WDR87: variants seen among roughly 807,000 people sequenced by gnomAD.
WDR87 encodes WD repeat-containing protein 87.
WDR87 carries 56 observed loss-of-function variants against 83.3 expected under a neutral mutation model. The ratio of observed to expected loss-of-function variants is 0.67; its 90% CI spans 0.54 to 0.84. The LOEUF (loss-of-function observed/expected upper bound fraction) is 0.84. WDR87 is among the 40% of genes least tolerant of loss of function. The pLI is 0.00. For synonymous variants in WDR87, 1,173 were observed against 1,250.6 expected (o/e 0.94, Z 1.31); for missense variants, 2,939 against 3,431.9 (o/e 0.86, Z 3.59).
In WDR87 at chr19:37,885,394, C is replaced by T. The variant is rs367616075; in HGVS notation, c.8277G>A (p.Lys2759=). The T allele has an allele frequency of 4.6e-5, 72 of 1,551,656 alleles. 1 individual carries two copies. The South Asian group carries it at 5.0e-4, about 11-fold the overall frequency. Residue 2759 remains lysine (K), a synonymous_variant, in exon 6 of 6, where the codon AAG becomes AAA. Transcript: ENST00000447313. ...ATGTCTCCCACAAAGGCAACTCTTC[C>T]TTTTTTTTAGAAATGGGCTGTGTCT... The part of the protein sequence containing the change: ...EKKTQPISKK[K]EELPLWETFV...
chr19:37,902,242 TCTCA>T (rs1369622969), intron 1 of WDR87, among the ~76,000 whole-genome samples: 1 of 151,908 alleles, frequency 6.6e-6, no homozygotes, highest in Non-Finnish European at 1.5e-5. Flanking sequence ...TGAGACAGAG[TCTCA>T]CTCTGTCACC....
intron 1 of WDR87, among the ~76,000 whole-genome samples, chr19:37,905,999 G>C (rs1442182481): frequency 6.6e-6 from 1 of 152,102 alleles, no homozygotes; most frequent in Non-Finnish European, 1.5e-5. Context: ...TTTGTTGAAT[G>C]AGTGGAAAAA....
intron 1 of WDR87, among the ~76,000 whole-genome samples, chr19:37,899,799 A>G (rs1359426982): frequency 1.3e-5 from 2 of 152,158 alleles, no homozygotes; most frequent in Non-Finnish European, 2.9e-5. Context: ...GGGGTGGGGT[A>G]GGGATGAGGG....
Position 37,894,834 on chromosome 19 carries a change from C to G in WDR87, c.869G>C (p.Arg290Pro), listed in dbSNP as rs201336732. 2.6e-6 allele frequency: 4 copies of G among 1,551,578 alleles called. No individual in the cohort carries two copies. Among genetic ancestry groups the G allele is most frequent in the Non-Finnish European group, 2.6e-6 (3 of 1,147,006 alleles). ...CAGGGTGTGGGCCTCTGGTCGGCTG[C>G]GGATACAGATCACTCCTGATTGATG... ...QAHQSGVICI[R>P]SRPEAHTLLT... The change falls in exon 4 of 6, where the codon CGC (arginine) becomes CCC (proline). Residue 290 changes from arginine (R) to proline (P), a missense_variant. Physicochemically the swap from Arg to Pro is moderately radical, Grantham distance 103. Coordinates refer to ENST00000447313, the MANE Select transcript of WDR87 (RefSeq NM_001291088.2).
chr19:37,900,943 T>C (rs2046289649), intron 1 of WDR87, among the ~76,000 whole-genome samples: 1 of 116,508 alleles, frequency 8.6e-6, no homozygotes, highest in Admixed American at 1.3e-4. Context: ...CTGGGCAACA[T>C]AGTGGGACCC....
At position 37,886,469 on chromosome 19, in the gene WDR87, C is replaced by T. The variant is rs1273264827; in HGVS notation, c.7202G>A (p.Gly2401Glu). 6.6e-7 allele frequency: 1 copy of T among 1,522,580 alleles called. No individual in the cohort carries two copies. Among genetic ancestry groups the T allele is most frequent in the Non-Finnish European group, 8.8e-7 (1 of 1,139,528 alleles). The allele number at this position is 1,522,580 out of a possible 1,614,324, so 94.3% of individuals were successfully genotyped here. ...LQEQRRKSLR[G>E]RERVLSILRG... is the part of the protein sequence containing the mutation. ...TAAAATGGAAAGGACTCTTTCCCTT[C>T]CTCTTAGGCTCTTTCTTCTTTGTTC... The change falls in exon 6 of 6, where the codon GGA (glycine) becomes GAA (glutamate). Residue 2401 changes from glycine to glutamate, a missense_variant. Gly to Glu is a moderately conservative substitution (Grantham distance 98). Around this residue, in one of 3 missense-constraint regions of WDR87, gnomAD observed 2,160 missense variants for 2,533.1 expected, o/e 0.85. Transcript: ENST00000447313.
At chr19:37,905,581 GAGAC>G (rs1480818182) in intron 1 of WDR87, among the ~76,000 whole-genome samples, 1 of 147,146 alleles carries the variant, frequency 6.8e-6, no homozygotes, top group Non-Finnish European at 1.5e-5. Flanking sequence ...TTTTTTTAAA[GAGAC>G]AGGGTTCTGC....
rs1348023029 is a variant in WDR87, at chr19:37,893,210, G to A, written c.2493C>T (p.Ala831=). Reference sequence around the variant, plus strand: ...TTGGGGTGCCCTCTGGCCAAAGACGGGCACGAATCACTGAATTGGGGATAT... The same window carrying A: ...TTGGGGTGCCCTCTGGCCAAAGACGAGCACGAATCACTGAATTGGGGATAT... ...DCYIPNSVIR[A]RLWPEGTPIY... Residue 831 remains alanine, a synonymous_variant, in exon 4 of 6, where the codon GCC becomes GCT. Transcript: ENST00000447313. The A allele has an allele frequency of 6.4e-7, 1 of 1,551,772 alleles. No individual in the cohort carries two copies. The highest frequency in any genetic ancestry group is 8.7e-7 in the Non-Finnish European group (1 of 1,147,052).
Position 37,887,097 on chromosome 19 carries a change from T to G in WDR87, c.6574A>C (p.Met2192Leu), listed in dbSNP as rs959678908. The change falls in exon 6 of 6, where the codon ATG becomes CTG. Residue 2192 changes from methionine to leucine, a missense_variant. Physicochemically the swap from Met to Leu is conservative, Grantham distance 15. Transcript: ENST00000447313. ...QRKLANKMRR[M>L]INKEEKMTEE... ...GTCATTTTTTCTTCTTTGTTTATCA[T>G]TCTTCTCATTTTGTTGGCCAGTTTT... The G allele has an allele frequency of 7.7e-6, 12 of 1,550,152 alleles. No individual in the cohort carries two copies. Among genetic ancestry groups the G allele is most frequent in the Admixed American group, 2.0e-5 (1 of 50,658 alleles).
At position 37,888,439 on chromosome 19, in the gene WDR87, T is replaced by G; in HGVS notation, c.5232A>C (p.Gln1744His). The G allele has an allele frequency of 6.4e-7, 1 of 1,552,166 alleles. No individual in the cohort carries two copies. The highest frequency in any genetic ancestry group is 2.4e-5 in the East Asian group (1 of 40,912). ...QKVEELPQREQNLDWQEKELA... is the reference protein window; with the variant it reads ...QKVEELPQREHNLDWQEKELA... ...GCTCCTTTTCTTGCCAGTCCAGATT[T>G]TGTTCCCTCTGGGGCAGTTCTTCCA... The change falls in exon 6 of 6, where the codon CAA becomes CAC. Residue 1744 changes from glutamine (Q) to histidine (H), a missense_variant. Gln to His is a conservative substitution (Grantham distance 24). Around this residue, in one of 3 missense-constraint regions of WDR87, gnomAD observed 2,160 missense variants for 2,533.1 expected, o/e 0.85. Coordinates refer to ENST00000447313, the MANE Select transcript of WDR87 (RefSeq NM_001291088.2).
At chr19:37,898,376 G>C in intron 1 of WDR87, 91 bp from the exon 2 acceptor site, 4 of 1,437,032 alleles carry the variant, frequency 2.8e-6, no homozygotes, top group Non-Finnish European at 2.8e-6. Context: ...CATGTTTATT[G>C]AACACCTTCT....
In WDR87 at chr19:37,894,829, G is replaced by A. The variant is rs1568454593; in HGVS notation, c.874C>T (p.Arg292Ter). ...HQSGVICIRSRPEAHTLLTAG... is the reference protein window; with the variant it reads ...HQSGVICIRS ...GTTAGCAGGGTGTGGGCCTCTGGTC[G>A]GCTGCGGATACAGATCACTCCTGAT... Residue 292 changes from arginine to a stop codon, truncating the protein, a stop_gained, in exon 4 of 6, where the codon CGA becomes TGA. Transcript: ENST00000447313. LOFTEE classifies it high-confidence loss of function. 6 of 1,551,590 alleles carry A rather than the reference G, an allele frequency of 3.9e-6. No homozygotes were observed. The highest frequency in any genetic ancestry group is 4.4e-6 in the Non-Finnish European group (5 of 1,147,012).
chr19:37,905,886 T>C (rs2046324308), intron 1 of WDR87, among the ~76,000 whole-genome samples: 1 of 152,198 alleles, frequency 6.6e-6, no homozygotes, highest in Non-Finnish European at 1.5e-5. Context: ...CTGATATCCC[T>C]ACTGGACTGA....
chr19:37,889,579 T>C lies in WDR87; in HGVS notation c.4092A>G (p.Arg1364=). ...GGGTCACACCTTGTATCATGTCCTC[T>C]CTAATTGCTCCTTCCTGGATAAAAA... ...KPIFIQEGAI[R]EDMIQGVTQE... The change falls in exon 6 of 6, where the codon AGA becomes AGG. Residue 1364 remains arginine (R), a synonymous_variant. Transcript: ENST00000447313. The C allele has an allele frequency of 6.4e-7, 1 of 1,551,778 alleles. No homozygotes were observed. The highest frequency in any genetic ancestry group is 8.7e-7 in the Non-Finnish European group (1 of 1,146,988).
Position 37,887,914 on chromosome 19 carries a change from T to C in WDR87, c.5757A>G (p.Lys1919=). 1 of 1,551,740 alleles carries C rather than the reference T, an allele frequency of 6.4e-7. No individual in the cohort carries two copies. The highest frequency in any genetic ancestry group is 8.7e-7 in the Non-Finnish European group (1 of 1,147,020). The part of the protein sequence containing the change: ...SKKQLVQVKN[K]LGMFNKILAQ... The stretch of plus-strand genomic sequence containing the variant: ...CCAGTATCTTGTTGAACATTCCCAA[T>C]TTGTTCTTTACTTGCACTAATTGCT... The change falls in exon 6 of 6, where the codon AAA becomes AAG. Residue 1919 remains lysine, a synonymous_variant. Transcript: ENST00000447313.
Position 37,891,784 on chromosome 19 carries a change from T to G in WDR87, c.3162A>C (p.Leu1054=). Residue 1054 remains leucine (L), a synonymous_variant, in exon 5 of 6, where the codon CTA becomes CTC. Transcript: ENST00000447313. ...QMIGEEPLDH[L]LGMRATDLQI... is the part of the protein sequence containing the mutation. ...GGAGATCTGTGGCCCGCATCCCCAGTAGATGGTCCAGGGGTTCCTCCCCGA... is the reference window on the plus strand; with the variant it reads ...GGAGATCTGTGGCCCGCATCCCCAGGAGATGGTCCAGGGGTTCCTCCCCGA... The G allele has an allele frequency of 1.3e-6, 2 of 1,552,228 alleles. No homozygotes were observed. The highest frequency in any genetic ancestry group is 1.7e-6 in the Non-Finnish European group (2 of 1,147,130).
At chr19:37,902,130 C>T (rs56265217) in intron 1 of WDR87, among the ~76,000 whole-genome samples, 36 of 152,258 alleles carry the variant, frequency 2.4e-4, no homozygotes, top group African/African-American at 8.7e-4. Context: ...TCCCTAATCC[C>T]AGTACCTGTC....
At position 37,890,022 on chromosome 19, in the gene WDR87, TG is replaced by T. The variant is rs1382873481; in HGVS notation, c.3648del (p.Asp1216GlufsTer26). The T allele has an allele frequency of 6.4e-7, 1 of 1,551,748 alleles. No individual in the cohort carries two copies. The highest frequency in any genetic ancestry group is 2.0e-5 in the Admixed American group (1 of 50,998). On this transcript the variant is annotated frameshift_variant, in exon 6 of 6. Transcript: ENST00000447313. LOFTEE classifies it low-confidence loss of function (END_TRUNC). Reference sequence around the variant, plus strand: ...TGAGCTGTTGCTTTCTTGTCTCTTTTGTCACGTATTTTCTGCAGCCTCTTCA... The same window carrying T: ...TGAGCTGTTGCTTTCTTGTCTCTTTTTCACGTATTTTCTGCAGCCTCTTCA... ...LTLKRLQKIR[D>X]KRDKKATAQK...
At position 37,892,899 on chromosome 19, in the gene WDR87, A is replaced by G. The variant is rs1465838506; in HGVS notation, c.2804T>C (p.Leu935Pro). 1 of 1,552,088 alleles carries G rather than the reference A, an allele frequency of 6.4e-7. No individual in the cohort carries two copies. The highest frequency in any genetic ancestry group is 8.7e-7 in the Non-Finnish European group (1 of 1,147,056). Residue 935 changes from leucine (L) to proline (P), a missense_variant, in exon 4 of 6, where the codon CTG becomes CCG. Transcript: ENST00000447313. ...MLNIMVHASL[L>P]KYQCCVGALG... ...TGCACCAACACAGCACTGGTACTTC[A>G]GCAAGGAAGCATGGACCATAATATT...
Sources: gnomAD v4.1 joint callset for allele counts (sites outside exome capture counted in the v4.1 genomes callset) on GRCh38, gnomAD v4.1.1 for gene constraint, gnomAD v4.1.1 regional missense constraint, MANE v1.5 for transcripts, NCBI Gene and HGNC (gene_info 2026-07-23, HGNC 2026-07-21) for gene names.